The following PCDH9 variants were observed in gnomAD, a reference collection of about 807,000 sequenced individuals.
The protein encoded by PCDH9 is protocadherin 9.
In PCDH9, 24 loss-of-function variants were observed where a neutral mutation model predicts 70.6. The observed-to-expected ratio is 0.34, with a 90% CI of 0.25 to 0.48. The LOEUF (loss-of-function observed/expected upper bound fraction) is 0.48, where lower values mean the gene tolerates loss of function less well. PCDH9 is among the 20% of genes least tolerant of loss of function. The probability of loss-of-function intolerance (pLI) is 0.99; values close to 1 mark genes in which losing one functional copy is unlikely to be tolerated. For missense variants in PCDH9, 1,281 were observed against 1,503.6 expected, an observed-to-expected ratio of 0.85 and a Z score of 2.45; for synonymous variants, 562 against 558.5, an observed-to-expected ratio of 1.01 and a Z score of -0.09.
At chr13:66,493,820 G>A in intron 4 of PCDH9, among the ~76,000 whole-genome samples, 1 of 151,986 alleles carries the variant, frequency 6.6e-6, no homozygotes. Context: ...GTCACACTAT[G>A]GGTGAATAAA....
At chr13:66,973,479 T>C (rs1405844937) in intron 2 of PCDH9, among the ~76,000 whole-genome samples, 1 of 151,912 alleles carries the variant, frequency 6.6e-6, no homozygotes, top group Admixed American at 6.6e-5. Flanking sequence ...ACGACCAATA[T>C]TGGAGGTCCT....
At chr13:66,428,362 A>T (rs1957710389) in intron 4 of PCDH9, among the ~76,000 whole-genome samples, 1 of 151,698 alleles carries the variant, frequency 6.6e-6, no homozygotes, top group South Asian at 2.1e-4. Flanking sequence ...ACTCTGTATA[A>T]AAGATTACTA....
intron 3 of PCDH9, among the ~76,000 whole-genome samples, chr13:66,764,288 GTC>G (rs1256377605): frequency 6.7e-6 from 1 of 150,314 alleles, no homozygotes; most frequent in Non-Finnish European, 1.5e-5. Context: ...TTCTCATTCT[GTC>G]TTTATTTTAG....
chr13:66,926,172 CT>C (rs2082715058), intron 2 of PCDH9, among the ~76,000 whole-genome samples: 1 of 151,870 alleles, frequency 6.6e-6, no homozygotes, highest in Non-Finnish European at 1.5e-5. Flanking sequence ...GAAGATATCA[CT>C]TTTTTATGTT....
intron 2 of PCDH9, among the ~76,000 whole-genome samples, chr13:66,975,671 T>A (rs759344215): frequency 6.6e-5 from 10 of 152,006 alleles, no homozygotes; most frequent in Non-Finnish European, 1.3e-4. Flanking sequence ...ACTGTATCAT[T>A]AATGCTCTCA....
intron 4 of PCDH9, among the ~76,000 whole-genome samples, chr13:66,378,493 A>G (rs947085388): frequency 6.6e-6 from 1 of 152,176 alleles, no homozygotes; most frequent in South Asian, 2.1e-4. Flanking sequence ...CAAGAAAGTC[A>G]TCGTAAAGAC....
At position 66,502,910 on chromosome 13, in the gene PCDH9, C is replaced by A. The variant is rs115934831; in HGVS notation, c.3340+128300G>T. Among the ~76,000 whole-genome samples, 351 of 152,176 alleles carry A rather than the reference C, an allele frequency of 2.3e-3. 1 individual carries two copies. Among genetic ancestry groups the A allele is most frequent in the African/African-American group, 7.6e-3 (315 of 41,514 alleles). The stretch of plus-strand genomic sequence containing the variant: ...AAGGAGAAATTTAAGAGAAAAATGC[C>A]ACTAATTTAAGTCTGCAAAGAATAC... On this transcript the variant is annotated intron_variant, in intron 4 of 4. Transcript: ENST00000377865.
At chr13:67,096,382 A>C (rs2086320420) in intron 2 of PCDH9, among the ~76,000 whole-genome samples, 1 of 152,164 alleles carries the variant, frequency 6.6e-6, no homozygotes, top group East Asian at 1.9e-4. Context: ...GAATTTACTA[A>C]AACTATTATT....
At chr13:66,988,120 C>CA (rs1566344108) in intron 2 of PCDH9, among the ~76,000 whole-genome samples, 1 of 151,862 alleles carries the variant, frequency 6.6e-6, no homozygotes, top group Admixed American at 6.6e-5. Flanking sequence ...AGGCTGTTCC[C>CA]AAACTCCTGG....
At chr13:66,514,501 A>AG (rs933854587) in intron 4 of PCDH9, among the ~76,000 whole-genome samples, 5 of 151,750 alleles carry the variant, frequency 3.3e-5, no homozygotes, top group African/African-American at 1.2e-4. Context: ...AAAAAAAAAA[A>AG]AAAGAAAGAC....
At chr13:66,449,524 A>T (rs1260908713) in intron 4 of PCDH9, among the ~76,000 whole-genome samples, 1 of 152,008 alleles carries the variant, frequency 6.6e-6, no homozygotes, top group African/African-American at 2.4e-5. Flanking sequence ...ATCATTTTCC[A>T]CTGTGTTATG....
At chr13:66,981,779 A>G (rs996195338) in intron 2 of PCDH9, among the ~76,000 whole-genome samples, 3 of 152,170 alleles carry the variant, frequency 2.0e-5, no homozygotes, top group African/African-American at 7.2e-5. Flanking sequence ...GCTTATTAAA[A>G]ATGTTATTAA....
At chr13:66,417,851 T>C (rs1177767118) in intron 4 of PCDH9, among the ~76,000 whole-genome samples, 1 of 152,170 alleles carries the variant, frequency 6.6e-6, no homozygotes, top group East Asian at 1.9e-4. Context: ...TTTGATGAGG[T>C]TGTTTGTGTT....
intron 2 of PCDH9, chr13:67,206,825 G>C (rs529545002): frequency 1.3e-5 from 2 of 152,204 alleles, no homozygotes; most frequent in African/African-American, 4.8e-5. Context: ...CTAGGACTGA[G>C]ATACACTTGT....
chr13:66,393,549 C>T (rs374053522), intron 4 of PCDH9, among the ~76,000 whole-genome samples: 1 of 152,156 alleles, frequency 6.6e-6, no homozygotes, highest in African/African-American at 2.4e-5. Context: ...GGAATGCCCA[C>T]AGGAATCCAA....
chr13:66,327,682 T>C (rs934616101), intron 4 of PCDH9, among the ~76,000 whole-genome samples: 1 of 152,188 alleles, frequency 6.6e-6, no homozygotes, highest in Non-Finnish European at 1.5e-5. Context: ...TTATGTATTT[T>C]CTCTGCACTT....
intron 4 of PCDH9, among the ~76,000 whole-genome samples, chr13:66,348,315 C>T (rs1956241312): frequency 6.6e-6 from 1 of 152,146 alleles, no homozygotes; most frequent in Non-Finnish European, 1.5e-5. Flanking sequence ...TGTCTTCAGA[C>T]TACTTCTACC....
chr13:66,354,099 AC>A (rs529609556), intron 4 of PCDH9, among the ~76,000 whole-genome samples: 7 of 152,126 alleles, frequency 4.6e-5, no homozygotes, highest in Non-Finnish European at 1.0e-4. Context: ...TTTATTCGTA[AC>A]CACATGCTTT....
intron 2 of PCDH9, among the ~76,000 whole-genome samples, chr13:67,183,199 C>T (rs73196121): frequency 5.9e-5 from 9 of 152,080 alleles, no homozygotes; most frequent in Non-Finnish European, 1.2e-4. Flanking sequence ...AAGTTTTGCC[C>T]CCAAACTAGA....
Sources: gnomAD v4.1 joint callset for allele counts (sites outside exome capture counted in the v4.1 genomes callset) on GRCh38, gnomAD v4.1.1 for gene constraint, MANE v1.5 for transcripts, NCBI Gene and HGNC (gene_info 2026-07-23, HGNC 2026-07-21) for gene names.